TECTB: variants seen among roughly 807,000 people sequenced by gnomAD.
TECTB encodes tectorin beta.
A neutral mutation model predicts 43.3 loss-of-function variants in TECTB; 45 were observed. The ratio of observed to expected loss-of-function variants is 1.04; its 90% CI spans 0.82 to 1.33. The LOEUF is 1.33. Ranked by LOEUF, TECTB falls within the 40% of genes most tolerant of loss-of-function variation. The probability of loss-of-function intolerance (pLI) is 0.00; values close to 1 mark genes in which losing one functional copy is unlikely to be tolerated. For synonymous variants in TECTB, 169 were observed against 156.7 expected (o/e 1.08, Z -0.59); for missense variants, 399 against 404.7 (o/e 0.99, Z 0.12).
chr10:112,283,934 A>C (rs1848433608), intron 2 of TECTB, 124 bp downstream of exon 2: 1 of 1,011,700 alleles, frequency 9.9e-7, no homozygotes. Flanking sequence ...GCAGGAAAGT[A>C]CTTAAGCACC....
intron 7 of TECTB, among the ~76,000 whole-genome samples, chr10:112,296,919 C>T (rs554523825): frequency 6.6e-6 from 1 of 152,240 alleles, no homozygotes; most frequent in South Asian, 2.1e-4. Context: ...AGTGGTCTGA[C>T]GCTTTCGAAA....
chr10:112,303,200 G>A, intron 10 of TECTB, 63 bp from the exon 11 acceptor site: 1 of 1,593,046 alleles, frequency 6.3e-7, no homozygotes, highest in Non-Finnish European at 8.6e-7. Context: ...CTCTTCTGTT[G>A]AGTTGGCTTT....
chr10:112,291,913 G>A lies in TECTB; in HGVS notation c.484-1825G>A, dbSNP rs1041939357. Among the ~76,000 whole-genome samples the A allele has an allele frequency of 9.8e-5, 15 of 152,296 alleles. No homozygotes were observed. The South Asian group carries it at 2.9e-3, about 29-fold the overall frequency. ...GCACTTTGGGAGGCCGAGGCGGGCA[G>A]ATCACGAGGTCAGGAGATCGAGACC... On this transcript the variant is annotated intron_variant, in intron 5 of 10. Transcript: ENST00000646139.
chr10:112,300,173 A>AAAAG (rs1321305734), intron 9 of TECTB, among the ~76,000 whole-genome samples: 1 of 150,672 alleles, frequency 6.6e-6, no homozygotes, highest in African/African-American at 2.4e-5. Context: ...AAAAAAAAAA[A>AAAAG]AAAGAAAGAA....
chr10:112,295,231 G>C (rs960620983), intron 7 of TECTB, among the ~76,000 whole-genome samples: 3 of 152,160 alleles, frequency 2.0e-5, no homozygotes, highest in African/African-American at 7.2e-5. Context: ...TAATGTCAAG[G>C]ATAAACATAA....
intron 7 of TECTB, among the ~76,000 whole-genome samples, chr10:112,296,106 G>A (rs1848544695): frequency 6.6e-6 from 1 of 152,106 alleles, no homozygotes; most frequent in African/African-American, 2.4e-5. Flanking sequence ...AGGGGAGAAT[G>A]GAAAAGTCCA....
intron 5 of TECTB, 125 bp from the exon 6 acceptor site, chr10:112,293,613 G>A: frequency 1.3e-6 from 1 of 770,440 alleles, no homozygotes; most frequent in Non-Finnish European, 2.2e-6. Flanking sequence ...ATCACTCTAT[G>A]GTCTCACCTG....
intron 10 of TECTB, chr10:112,302,751 A>G (rs1167231525): frequency 5.7e-6 from 1 of 176,340 alleles, no homozygotes; most frequent in African/African-American, 2.4e-5. Context: ...TCCCTTGCCA[A>G]TATGTGTAGA....
intron 7 of TECTB, among the ~76,000 whole-genome samples, chr10:112,296,621 A>G (rs1238921142): frequency 3.9e-5 from 6 of 152,140 alleles, no homozygotes; most frequent in African/African-American, 1.4e-4. Context: ...CAGTTTCATC[A>G]CTGTTCAGAG....
In TECTB at chr10:112,303,094, T is replaced by C; in HGVS notation, c.941-169T>C. On this transcript the variant is annotated intron_variant, in intron 10 of 10. Coordinates refer to ENST00000646139, the MANE Select transcript of TECTB (RefSeq NM_058222.3). ...CAACCTAGGTTTATCTGTCAGGTTC[T>C]TTGTACTGATAAATGTGAGCTACAG... 6.9e-6 allele frequency: 5 copies of C among 729,086 alleles called. 1 individual carries two copies. The South Asian group carries it at 8.8e-5, about 13-fold the overall frequency. 45.2% of individuals were successfully genotyped at this position (729,086 alleles called of 1,614,324 possible).
intron 9 of TECTB, among the ~76,000 whole-genome samples, chr10:112,300,633 C>T (rs1848603395): frequency 6.6e-6 from 1 of 152,164 alleles, no homozygotes; most frequent in African/African-American, 2.4e-5. Context: ...TCCGAATGCT[C>T]CCAAATCTGA....
intron 8 of TECTB, among the ~76,000 whole-genome samples, chr10:112,299,200 G>A (rs1848574638): frequency 1.3e-5 from 2 of 152,226 alleles, no homozygotes; most frequent in African/African-American, 2.4e-5. Context: ...CTTATCAAAG[G>A]AAATGGGATC....
chr10:112,294,092 C>T (rs778975721), intron 7 of TECTB, 31 bp downstream of exon 7: 1 of 1,591,378 alleles, frequency 6.3e-7, no homozygotes, highest in Non-Finnish European at 8.6e-7. Flanking sequence ...CAGGGCTGAA[C>T]AGTGGAACCA....
intron 10 of TECTB, chr10:112,302,568 C>A: frequency 2.6e-6 from 1 of 386,354 alleles, no homozygotes; most frequent in Non-Finnish European, 4.6e-6. Flanking sequence ...TGAAATTGGG[C>A]TAATAATTGC....
In TECTB at chr10:112,286,077, C is replaced by A. The variant is rs147615429; in HGVS notation, c.274C>A (p.Pro92Thr). The change falls in exon 4 of 11, where the codon CCA becomes ACA. Residue 92 changes from proline to threonine, a missense_variant. Pro to Thr is a conservative substitution (Grantham distance 38, BLOSUM62 -1). Coordinates refer to ENST00000646139, the MANE Select transcript of TECTB (RefSeq NM_058222.3). ...GTCTCCTTTCTTTGTCCAGTACAAG[C>A]CACCTATCTATCACTTCTACAGTCA... is the stretch of plus-strand genomic sequence containing the variant. ...SYCGTQSEYK[P>T]PIYHFYSHIV... 7.6e-3 allele frequency: 12,209 copies of A among 1,614,076 alleles called. 92 individuals are homozygous for A. Among genetic ancestry groups the A allele is most frequent in the Non-Finnish European group, 9.1e-3 (10,776 of 1,179,942 alleles).
chr10:112,302,061 T>C, intron 9 of TECTB, 40 bp from the exon 10 acceptor site: 3 of 1,610,836 alleles, frequency 1.9e-6, no homozygotes, highest in Non-Finnish European at 2.5e-6. Flanking sequence ...TTCCATGATC[T>C]TTTCTTAAAC....
At chr10:112,300,231 AAAG>A (rs565223393) in intron 9 of TECTB, among the ~76,000 whole-genome samples, 48,062 of 99,752 alleles carry the variant, frequency 0.48, 10,428 homozygotes, top group South Asian at 0.58. Context: ...AGAAAGAAAT[AAAG>A]AAAGAAAGAA....
rs768062012 is a variant in TECTB at position 112,303,303 on chromosome 10, C to A, written c.981C>A (p.Ala327=). 1.2e-6 allele frequency: 2 copies of A among 1,614,072 alleles called. No individual in the cohort carries two copies. Among genetic ancestry groups the A allele is most frequent in the Admixed American group, 1.7e-5 (1 of 60,014 alleles). ...TCATCATGATGTTGGGGATTTGTGC[C>A]GTGTTATAGGAGTTAGCCAGGCAGC... ...HHLIMMLGIC[A]VL is the part of the protein sequence containing the mutation. Residue 327 remains alanine (A), a synonymous_variant, in exon 11 of 11, where the codon GCC becomes GCA. Coordinates refer to ENST00000646139, the MANE Select transcript of TECTB (RefSeq NM_058222.3).
chr10:112,285,832 T>C (rs1169380780), intron 3 of TECTB, among the ~76,000 whole-genome samples: 2 of 152,184 alleles, frequency 1.3e-5, no homozygotes, highest in Non-Finnish European at 2.9e-5. Context: ...TGGAGATTTT[T>C]AAGCATACGA....
Sources: gnomAD v4.1 joint callset for allele counts (sites outside exome capture counted in the v4.1 genomes callset) on GRCh38, gnomAD v4.1.1 for gene constraint, MANE v1.5 for transcripts, NCBI Gene and HGNC (gene_info 2026-07-23, HGNC 2026-07-21) for gene names.